Variants in TRAK1 observed in about 807,000 individuals in gnomAD.
TRAK1 encodes trafficking kinesin-binding protein 1.
Under a neutral mutation model 92.1 loss-of-function variants are expected in TRAK1, and 33 were observed. That is an observed-to-expected ratio of 0.36 (90% CI 0.27 to 0.48). TRAK1 has a LOEUF of 0.48. TRAK1 is among the 20% of genes least tolerant of loss of function. The pLI is 0.99. For missense variants in TRAK1, 1,123 were observed against 1,257.9 expected (o/e 0.89, Z 1.62); for synonymous variants, 521 against 517.3 (o/e 1.01, Z -0.10).
upstream of TRAK1, among the ~76,000 whole-genome samples, chr3:42,013,324 C>CTTAGA (rs1485833212): frequency 5.3e-5 from 8 of 152,156 alleles, no homozygotes; most frequent in African/African-American, 1.9e-4. The surrounding 1 kb of genome is among the most constrained non-coding windows in gnomAD (Gnocchi z 5.1). Context: ...GGGGTCCCAT[C>CTTAGA]CTTCTCTTAG....
chr3:42,219,028 G>A (rs1710039431), intron 14 of TRAK1: 2 of 985,304 alleles, frequency 2.0e-6, no homozygotes, highest in African/African-American at 3.5e-5. Context: ...GCCTTGCCCT[G>A]TTTGCAGGTT....
intron 1 of TRAK1, among the ~76,000 whole-genome samples, chr3:42,111,205 C>CT (rs368960166): frequency 3.3e-4 from 50 of 152,256 alleles, no homozygotes; most frequent in African/African-American, 1.1e-3. Flanking sequence ...AAGATTTGAC[C>CT]TAACTGACTC....
At position 42,042,680 on chromosome 3, in the gene TRAK1, T is replaced by C. The variant is rs538151488; in HGVS notation, c.-519+28563T>C. Among the ~76,000 whole-genome samples the C allele has an allele frequency of 3.7e-3, 561 of 151,868 alleles. 6 individuals carry two copies. The highest frequency in any genetic ancestry group is 0.013 in the African/African-American group (519 of 41,166). On this transcript the variant is annotated intron_variant, in intron 1 of 16. Transcript: ENST00000487159. ...GCCACCGCGCCCAGCCTGGAACTTT[T>C]ATTTTTTTCAATGACATAGAGACTT...
At chr3:42,191,995 G>A (rs1324931213) in intron 7 of TRAK1, among the ~76,000 whole-genome samples, 1 of 135,872 alleles carries the variant, frequency 7.4e-6, no homozygotes. Context: ...TCTGCCTCCC[G>A]GGTTCAAGTG....
chr3:42,199,384 A>G (rs1707206524), intron 11 of TRAK1, 131 bp downstream of exon 11: 7 of 807,086 alleles, frequency 8.7e-6, no homozygotes, highest in Non-Finnish European at 1.4e-5. Flanking sequence ...AGTCCAGATT[A>G]AGGGAAATAA....
intron 14 of TRAK1, among the ~76,000 whole-genome samples, chr3:42,215,535 G>A (rs1709589295): frequency 6.6e-6 from 1 of 151,736 alleles, no homozygotes; most frequent in African/African-American, 2.4e-5. Flanking sequence ...TACTGGTTGA[G>A]GAGTTTATAG....
intron 2 of TRAK1, among the ~76,000 whole-genome samples, chr3:42,147,608 G>C (rs1172634224): frequency 6.6e-6 from 1 of 152,124 alleles, no homozygotes; most frequent in South Asian, 2.1e-4. Context: ...TTTTCCCTCC[G>C]GGACTTGAGG....
At position 42,223,684 on chromosome 3, in the gene TRAK1, A is replaced by G. The variant is rs1710575125; in HGVS notation, c.2809A>G (p.Thr937Ala). Residue 937 changes from threonine (T) to alanine (A), a missense_variant, in exon 16 of 16, where the codon ACC becomes GCC. Physicochemically the swap from Thr to Ala is moderately conservative, Grantham distance 58 (BLOSUM62 0). Around this residue, in one of 3 missense-constraint regions of TRAK1, gnomAD observed 401 missense variants for 438.9 expected, o/e 0.91. Transcript: ENST00000327628. The surrounding 1 kb of genome is among the most constrained non-coding windows in gnomAD (Gnocchi z 6.1). ...GCAGATGAAAGCTCCTGTGACTCTC[A>G]CCTCGGGCATCTTGATGGGTGCTAA... Reference protein sequence around the residue: ...SMQMKAPVTLTSGILMGAKLS... With the variant: ...SMQMKAPVTLASGILMGAKLS... The G allele has an allele frequency of 1.9e-6, 3 of 1,613,462 alleles. No individual in the cohort carries two copies. Among genetic ancestry groups the G allele is most frequent in the Non-Finnish European group, 2.5e-6 (3 of 1,179,720 alleles).
intron 4 of TRAK1, 109 bp from the exon 5 acceptor site, chr3:42,187,936 T>C: frequency 1.1e-6 from 1 of 918,898 alleles, no homozygotes; most frequent in Non-Finnish European, 1.8e-6. Flanking sequence ...CTTTCAATGG[T>C]GAATTTTCAG....
At chr3:42,033,655 A>G (rs1344286151) in intron 1 of TRAK1, among the ~76,000 whole-genome samples, 1 of 152,142 alleles carries the variant, frequency 6.6e-6, no homozygotes, top group Non-Finnish European at 1.5e-5. Flanking sequence ...CAGTTTTTTC[A>G]TCTAGAATAA....
intron 4 of TRAK1, among the ~76,000 whole-genome samples, chr3:42,187,438 C>T (rs944738439): frequency 6.6e-6 from 1 of 152,010 alleles, no homozygotes; most frequent in African/African-American, 2.4e-5. Flanking sequence ...TTTCCAAAGC[C>T]CCTGAATAGT....
At chr3:42,138,943 T>C (rs1698328672) in intron 2 of TRAK1, among the ~76,000 whole-genome samples, 1 of 143,840 alleles carries the variant, frequency 7.0e-6, no homozygotes, top group Non-Finnish European at 1.5e-5. Context: ...GGGGTACCTC[T>C]TGGAACATCA....
intron 1 of TRAK1, among the ~76,000 whole-genome samples, chr3:42,042,752 A>G (rs1275474362): frequency 2.6e-5 from 4 of 152,144 alleles, no homozygotes; most frequent in South Asian, 2.1e-4. Context: ...CAGTGAACCC[A>G]TGAAAACGAT....
At chr3:42,111,373 C>T (rs1053067829) in intron 1 of TRAK1, among the ~76,000 whole-genome samples, 7 of 151,048 alleles carry the variant, frequency 4.6e-5, no homozygotes, top group African/African-American at 1.7e-4. Flanking sequence ...CTGCCTAAAG[C>T]CACAGGATTA....
At chr3:42,153,843 G>A (rs72869951) in intron 2 of TRAK1, among the ~76,000 whole-genome samples, 24 of 152,144 alleles carry the variant, frequency 1.6e-4, no homozygotes, top group African/African-American at 4.8e-4. Flanking sequence ...ATTTTCCTAC[G>A]TGTTGACGCA....
chr3:42,175,979 C>G (rs1293504851), intron 2 of TRAK1, among the ~76,000 whole-genome samples: 1 of 152,154 alleles, frequency 6.6e-6, no homozygotes, highest in Non-Finnish European at 1.5e-5. Context: ...CTTACGCTAC[C>G]TTCTTGGTGT....
At chr3:42,062,547 G>C (rs1703493212) in intron 1 of TRAK1, among the ~76,000 whole-genome samples, 1 of 152,150 alleles carries the variant, frequency 6.6e-6, no homozygotes, top group Admixed American at 6.5e-5. Flanking sequence ...TTGAGTCCTG[G>C]CACCTCTGAG....
chr3:42,140,895 G>A (rs970326236), intron 2 of TRAK1, among the ~76,000 whole-genome samples: 10 of 152,196 alleles, frequency 6.6e-5, no homozygotes, highest in African/African-American at 2.2e-4. Flanking sequence ...TCCAGAGGGG[G>A]GTTGGGACCT....
At chr3:42,043,778 C>T (rs1282143892) in intron 1 of TRAK1, among the ~76,000 whole-genome samples, 10 of 151,394 alleles carry the variant, frequency 6.6e-5, no homozygotes, top group South Asian at 6.2e-4. Flanking sequence ...CCCACCCCCC[C>T]GCCACCCCAA....
Sources: gnomAD v4.1 joint callset for allele counts (sites outside exome capture counted in the v4.1 genomes callset) on GRCh38, gnomAD v4.1.1 for gene constraint, gnomAD v4.1.1 regional missense constraint, Gnocchi (gnomAD v3.1) non-coding constraint, MANE v1.5 for transcripts, NCBI Gene and HGNC (gene_info 2026-07-23, HGNC 2026-07-21) for gene names.